The following EPB41L5 variants were observed in gnomAD, a reference collection of about 807,000 sequenced individuals.
EPB41L5 encodes the protein band 4.1-like protein 5.
A neutral mutation model predicts 106.6 loss-of-function variants in EPB41L5; 55 were observed. The ratio of observed to expected loss-of-function variants is 0.52; its 90% CI spans 0.42 to 0.65. EPB41L5 has a LOEUF of 0.65. Among genes scored for constraint, EPB41L5 ranks in the 30% least tolerant of loss-of-function variants. EPB41L5 has a pLI of 0.00. For synonymous variants in EPB41L5, 297 were observed against 306.7 expected (o/e 0.97, Z 0.33); for missense variants, 871 against 882.1 (o/e 0.99, Z 0.16).
At chr2:120,094,736 G>C (rs1316929557) in intron 14 of EPB41L5, among the ~76,000 whole-genome samples, 1 of 151,986 alleles carries the variant, frequency 6.6e-6, no homozygotes, top group Non-Finnish European at 1.5e-5. Flanking sequence ...AATTCAATAA[G>C]TTTTGCTATG....
intron 2 of EPB41L5, among the ~76,000 whole-genome samples, chr2:120,023,062 T>G (rs1678048804): frequency 6.6e-6 from 1 of 152,226 alleles, no homozygotes; most frequent in Non-Finnish European, 1.5e-5. Flanking sequence ...TTTAAGTTCC[T>G]TGTAGATTCT....
At chr2:120,163,022 C>T (rs1006839549) in intron 21 of EPB41L5, among the ~76,000 whole-genome samples, 6 of 151,998 alleles carry the variant, frequency 3.9e-5, no homozygotes, top group Non-Finnish European at 5.9e-5. Context: ...TGGGCCAAGG[C>T]GGTAAGATGG....
chr2:120,084,278 G>A (rs2860927), intron 10 of EPB41L5, among the ~76,000 whole-genome samples: 103,428 of 152,058 alleles, frequency 0.68, 37,002 homozygotes, highest in Non-Finnish European at 0.79. Flanking sequence ...GTTCCTTTCC[G>A]TGTTTAGTGC....
At chr2:120,129,977 C>T (rs532470702) in intron 17 of EPB41L5, among the ~76,000 whole-genome samples, 80 of 152,234 alleles carry the variant, frequency 5.3e-4, no homozygotes, top group Admixed American at 1.6e-3. Flanking sequence ...AAAACCCAGT[C>T]TCTACTAAAA....
rs116687664 is a variant in EPB41L5 at position 120,143,751 on chromosome 2, T to C, written c.1728+620T>C. 2.4e-4 allele frequency among the ~76,000 whole-genome samples: 36 copies of C among 152,320 alleles called. No individual in the cohort carries two copies. The East Asian group carries it at 5.6e-3, about 24-fold the overall frequency. On this transcript the variant is annotated intron_variant, in intron 19 of 24. Coordinates refer to ENST00000263713, the MANE Select transcript of EPB41L5 (RefSeq NM_020909.4). ...GCCTTGAAGAGACCTGATTGGACTT[T>C]AGGAATATTGTTCATGTTCTTTTTC...
chr2:120,142,661 C>G (rs972307658), intron 18 of EPB41L5, among the ~76,000 whole-genome samples: 1 of 152,152 alleles, frequency 6.6e-6, no homozygotes, highest in African/African-American at 2.4e-5. Flanking sequence ...TCTTTCACAG[C>G]TACTTAGCTC....
intron 3 of EPB41L5, among the ~76,000 whole-genome samples, chr2:120,053,852 A>C (rs1304316642): frequency 6.6e-6 from 1 of 152,188 alleles, no homozygotes; most frequent in East Asian, 1.9e-4. Flanking sequence ...GCTTGAGCCC[A>C]GGAGTTCGAG....
At chr2:120,038,053 G>C (rs1679154143) in intron 2 of EPB41L5, among the ~76,000 whole-genome samples, 1 of 152,208 alleles carries the variant, frequency 6.6e-6, no homozygotes, top group Non-Finnish European at 1.5e-5. Flanking sequence ...CAAAGCTTTT[G>C]TGTATTAAAG....
Position 120,086,647 on chromosome 2 carries a change from A to G in EPB41L5, c.804-524A>G, listed in dbSNP as rs1018221916. On this transcript the variant is annotated intron_variant, in intron 10 of 24. Coordinates refer to ENST00000263713, the MANE Select transcript of EPB41L5 (RefSeq NM_020909.4). ...TGTGGTGTGGGAGTAAGGCTGAGGCAGGAGGATTACTGGAGCCTGGAAGTT... is the reference window on the plus strand; with the variant it reads ...TGTGGTGTGGGAGTAAGGCTGAGGCGGGAGGATTACTGGAGCCTGGAAGTT... Among the ~76,000 whole-genome samples the G allele has an allele frequency of 4.6e-5, 7 of 152,342 alleles. No homozygotes were observed. In the South Asian group the frequency reaches 6.2e-4, roughly 14 times the overall value.
chr2:120,100,647 A>C, intron 15 of EPB41L5, 52 bp from the exon 16 acceptor site: 2 of 1,267,096 alleles, frequency 1.6e-6, no homozygotes, highest in Non-Finnish European at 2.3e-6. Flanking sequence ...TTGTTGGTGA[A>C]GAGATCTGTT....
chr2:120,103,038 A>T (rs1334692051), intron 16 of EPB41L5, among the ~76,000 whole-genome samples: 1 of 152,184 alleles, frequency 6.6e-6, no homozygotes, highest in Admixed American at 6.5e-5. Context: ...TTTTGTTATT[A>T]AAAAAGCCTT....
chr2:120,100,048 A>C (rs559730609), intron 14 of EPB41L5, among the ~76,000 whole-genome samples, 196 bp from the exon 15 acceptor site: 2 of 152,330 alleles, frequency 1.3e-5, no homozygotes, highest in African/African-American at 4.8e-5. Flanking sequence ...AAAAGCAAGT[A>C]TTTGCCTATA....
At chr2:120,014,809 A>G (rs894660723) in intron 1 of EPB41L5, among the ~76,000 whole-genome samples, 4 of 152,112 alleles carry the variant, frequency 2.6e-5, no homozygotes, top group Non-Finnish European at 5.9e-5. Context: ...GGGTCAGGCA[A>G]GTAGGAGGAG....
intron 3 of EPB41L5, among the ~76,000 whole-genome samples, chr2:120,050,113 A>C (rs1017568168): frequency 2.6e-5 from 4 of 151,908 alleles, no homozygotes; most frequent in Non-Finnish European, 4.4e-5. Flanking sequence ...CCTTCATTTC[A>C]ACTTTGGTGA....
chr2:120,051,552 G>A (rs1296868613), intron 3 of EPB41L5, among the ~76,000 whole-genome samples: 1 of 152,200 alleles, frequency 6.6e-6, no homozygotes, highest in African/African-American at 2.4e-5. Flanking sequence ...GGTGCCGCCT[G>A]TATTAGGTTG....
At position 120,129,343 on chromosome 2, in the gene EPB41L5, A is replaced by AAAAAG. The variant is rs149409881; in HGVS notation, c.1501+1495_1501+1496insAGAAA. Among the ~76,000 whole-genome samples the AAAAAG allele has an allele frequency of 1.7e-3, 258 of 148,444 alleles. No homozygotes were observed. The East Asian group carries it at 0.021, about 12-fold the overall frequency. On this transcript the variant is annotated intron_variant, in intron 17 of 24. Transcript: ENST00000263713. ...AGAGCAAGACTCTGTCTCAAAAAAA[A>AAAAAG]AAAGAAAGAAAGAAAGAAAAAATTA... is the stretch of plus-strand genomic sequence containing the variant.
At chr2:120,066,080 G>T (rs1000607324) in intron 3 of EPB41L5, among the ~76,000 whole-genome samples, 5 of 151,520 alleles carry the variant, frequency 3.3e-5, no homozygotes, top group African/African-American at 1.2e-4. Flanking sequence ...TGGGGTGTGG[G>T]TAATAGGGGG....
intron 18 of EPB41L5, among the ~76,000 whole-genome samples, chr2:120,142,269 A>G (rs1015423747): frequency 6.6e-6 from 1 of 151,948 alleles, no homozygotes; most frequent in African/African-American, 2.4e-5. Context: ...CTCTTGACCT[A>G]TGTCTGAAAT....
At chr2:120,074,342 A>G (rs1178109177) in intron 5 of EPB41L5, 164 bp downstream of exon 5, 7 of 569,244 alleles carry the variant, frequency 1.2e-5, no homozygotes, top group Non-Finnish European at 2.2e-5. Context: ...TTTTAAGTGT[A>G]TGATTCTTTT....
Sources: gnomAD v4.1 joint callset for allele counts (sites outside exome capture counted in the v4.1 genomes callset) on GRCh38, gnomAD v4.1.1 for gene constraint, MANE v1.5 for transcripts, NCBI Gene and HGNC (gene_info 2026-07-23, HGNC 2026-07-21) for gene names.